Variants in DGUOK observed in about 807,000 individuals in gnomAD.
DGUOK encodes deoxyguanosine kinase, mitochondrial.
DGUOK carries 30 observed loss-of-function variants against 36.6 expected under a neutral mutation model. The ratio of observed to expected loss-of-function variants is 0.82; its 90% CI spans 0.61 to 1.11. DGUOK has a LOEUF of 1.11. Among genes scored for constraint, DGUOK ranks in the 50% most tolerant of loss-of-function variants. The pLI is 0.00. For synonymous variants in DGUOK, 145 were observed against 126.3 expected, an observed-to-expected ratio of 1.15 and a Z score of -0.99; for missense variants, 361 against 336.4, an observed-to-expected ratio of 1.07 and a Z score of -0.57.
At chr2:73,953,147 T>C (rs1682817456) in intron 4 of DGUOK, among the ~76,000 whole-genome samples, 1 of 152,082 alleles carries the variant, frequency 6.6e-6, no homozygotes, top group African/African-American at 2.4e-5. Flanking sequence ...GGCATTAATC[T>C]GTCTTAACAA....
chr2:73,944,588 A>G (rs1310501908), intron 2 of DGUOK, among the ~76,000 whole-genome samples: 2 of 152,150 alleles, frequency 1.3e-5, no homozygotes, highest in Admixed American at 1.3e-4. Context: ...TTGAATTGCT[A>G]AGTATTTTTG....
intron 4 of DGUOK, among the ~76,000 whole-genome samples, chr2:73,953,177 C>G (rs992328486): frequency 6.6e-6 from 1 of 151,974 alleles, no homozygotes; most frequent in Admixed American, 6.5e-5. Flanking sequence ...CTCTTAAAGG[C>G]CCCACCTCTC....
At chr2:73,941,380 C>G (rs1186364445) in intron 2 of DGUOK, among the ~76,000 whole-genome samples, 1 of 152,184 alleles carries the variant, frequency 6.6e-6, no homozygotes, top group Non-Finnish European at 1.5e-5. Context: ...CCACTGAATT[C>G]TGGCATAATT....
intron 2 of DGUOK, among the ~76,000 whole-genome samples, chr2:73,944,924 CA>C (rs1387855764): frequency 3.3e-5 from 5 of 150,452 alleles, no homozygotes; most frequent in Non-Finnish European, 7.4e-5. Context: ...AGCTCTTAGT[CA>C]GGGGCCACGT....
rs2105013761 is a variant in DGUOK, at chr2:73,958,872, G to GTTAA, written c.*140_*143dup. 4 of 727,384 alleles carry GTTAA rather than the reference G, an allele frequency of 5.5e-6. No homozygotes were observed. The highest frequency in any genetic ancestry group is 4.7e-5 in the Admixed American group (2 of 42,306). 45.1% of individuals were successfully genotyped at this position (727,384 alleles called of 1,614,324 possible). ...CACTCTGCCGCTCAAGAGCTGGTTT[G>GTTAA]TTAATTATTGTTAGACTTTGCCATT... On this transcript the variant is annotated 3_prime_UTR_variant, in exon 7 of 7. Coordinates refer to ENST00000264093, the MANE Select transcript of DGUOK (RefSeq NM_080916.3).
chr2:73,936,016 T>C (rs1681434269), intron 1 of DGUOK, among the ~76,000 whole-genome samples: 1 of 152,242 alleles, frequency 6.6e-6, no homozygotes, highest in Admixed American at 6.5e-5. Context: ...TTTTTAACTT[T>C]TAAAAAATAT....
intron 4 of DGUOK, 148 bp from the exon 5 acceptor site, chr2:73,956,977 T>TG: frequency 1.9e-6 from 1 of 534,696 alleles, no homozygotes; most frequent in Non-Finnish European, 3.5e-6. Flanking sequence ...GATCCTCTGA[T>TG]TGCATAAGAA....
At chr2:73,933,370 A>G (rs1350192398) in intron 1 of DGUOK, among the ~76,000 whole-genome samples, 1 of 152,208 alleles carries the variant, frequency 6.6e-6, no homozygotes, top group Non-Finnish European at 1.5e-5. Flanking sequence ...GGAGGGAGTG[A>G]TGAGTGAACA....
intron 1 of DGUOK, among the ~76,000 whole-genome samples, chr2:73,929,358 C>G (rs374464246): frequency 2.0e-5 from 3 of 152,228 alleles, no homozygotes; most frequent in South Asian, 2.1e-4. Flanking sequence ...GATCCTCCTG[C>G]CTTGGCTTCC....
Position 73,927,044 on chromosome 2 carries a change from G to A in DGUOK, c.134G>A (p.Gly45Asp), listed in dbSNP as rs1327918861. 1 of 1,608,984 alleles carries A rather than the reference G, an allele frequency of 6.2e-7. No individual in the cohort carries two copies. The change falls in exon 1 of 7, where the codon GGC (glycine) becomes GAC (aspartate). Residue 45 changes from glycine to aspartate, a missense_variant. By Grantham distance (94) the Gly-to-Asp change is moderately conservative. Coordinates refer to ENST00000264093, the MANE Select transcript of DGUOK (RefSeq NM_080916.3). ...GGGCCCCGAAGGCTCTCCATCGAAG[G>A]CAACATTGGTAAGGGCCGGAAAGCG... Reference protein sequence around the residue: ...GRGPRRLSIEGNIAVGKSTFV... With the variant: ...GRGPRRLSIEDNIAVGKSTFV...
At chr2:73,940,138 G>C (rs1442461940) in intron 2 of DGUOK, among the ~76,000 whole-genome samples, 1 of 152,280 alleles carries the variant, frequency 6.6e-6, no homozygotes, top group East Asian at 1.9e-4. Context: ...CTGGGCTCAA[G>C]TGATCCACCC....
At chr2:73,950,558 C>T in intron 3 of DGUOK, 27 bp from the exon 4 acceptor site, 12 of 1,613,704 alleles carry the variant, frequency 7.4e-6, no homozygotes, top group Non-Finnish European at 9.3e-6. Context: ...CTCCTGCCCT[C>T]CCCATTCCCA....
At chr2:73,948,202 T>C (rs1386857818) in intron 3 of DGUOK, among the ~76,000 whole-genome samples, 1 of 152,222 alleles carries the variant, frequency 6.6e-6, no homozygotes, top group African/African-American at 2.4e-5. Flanking sequence ...GACTCCGAAG[T>C]TGAATTACAT....
chr2:73,946,874 A>T lies in DGUOK; in HGVS notation c.411A>T (p.Val137=), dbSNP rs749733889. The T allele has an allele frequency of 1.2e-6, 2 of 1,613,462 alleles. No individual in the cohort carries two copies. Among genetic ancestry groups the T allele is most frequent in the Non-Finnish European group, 8.5e-7 (1 of 1,179,962 alleles). ...PEKLLQARKP[V]QIFERSVYSD... is the part of the protein sequence containing the mutation. ...AACTCTTACAGGCCAGGAAGCCAGT[A>T]CAGATCTTTGAGAGGTCTGTGTACA... The change falls in exon 3 of 7, where the codon GTA becomes GTT. Residue 137 remains valine (V), a synonymous_variant. Coordinates refer to ENST00000264093, the MANE Select transcript of DGUOK (RefSeq NM_080916.3).
chr2:73,927,134 G>T, intron 1 of DGUOK, 82 bp downstream of exon 1: 1 of 1,580,818 alleles, frequency 6.3e-7, no homozygotes. Flanking sequence ...GGCCCGGAAT[G>T]GCCTGCGTCT....
chr2:73,953,719 C>CT (rs386390474), intron 4 of DGUOK, among the ~76,000 whole-genome samples: 6,968 of 95,754 alleles, frequency 0.073, 601 homozygotes, highest in African/African-American at 0.14. Flanking sequence ...TCCCTAACTT[C>CT]TTTTTTTTTT....
chr2:73,954,177 C>T (rs571690391), intron 4 of DGUOK, among the ~76,000 whole-genome samples: 149 of 151,928 alleles, frequency 9.8e-4, no homozygotes, highest in African/African-American at 3.3e-3. Context: ...GCCCCCTGCC[C>T]TCTACAAAAA....
At chr2:73,956,663 C>T (rs1303663618) in intron 4 of DGUOK, among the ~76,000 whole-genome samples, 1 of 152,208 alleles carries the variant, frequency 6.6e-6, no homozygotes, top group East Asian at 1.9e-4. Context: ...ACCTTAAGGC[C>T]TGTACTCTGT....
intron 4 of DGUOK, among the ~76,000 whole-genome samples, chr2:73,955,746 C>T (rs547827640): frequency 5.3e-5 from 8 of 152,104 alleles, no homozygotes; most frequent in African/African-American, 1.7e-4. Context: ...TGGTGGCTCC[C>T]GCCTGTAGTC....
Sources: gnomAD v4.1 joint callset for allele counts (sites outside exome capture counted in the v4.1 genomes callset) on GRCh38, gnomAD v4.1.1 for gene constraint, MANE v1.5 for transcripts, NCBI Gene and HGNC (gene_info 2026-07-23, HGNC 2026-07-21) for gene names.